Variants in KCNK1 observed in about 807,000 individuals in gnomAD.
KCNK1 encodes the protein potassium channel subfamily K member 1.
KCNK1 carries 10 observed loss-of-function variants against 22.2 expected under a neutral mutation model. That is an observed-to-expected ratio of 0.45 (90% CI 0.28 to 0.76). KCNK1 has a LOEUF of 0.76. Among genes scored for constraint, KCNK1 ranks in the 30% least tolerant of loss-of-function variants. The pLI, the probability that KCNK1 is intolerant of heterozygous loss-of-function variation, is 0.14. For synonymous variants in KCNK1, 200 were observed against 186.4 expected, an observed-to-expected ratio of 1.07 and a Z score of -0.60; for missense variants, 378 against 421.0, an observed-to-expected ratio of 0.90 and a Z score of 0.89.
intron 1 of KCNK1, among the ~76,000 whole-genome samples, chr1:233,665,757 G>A (rs1459001799): frequency 6.6e-6 from 1 of 152,238 alleles, no homozygotes; most frequent in Non-Finnish European, 1.5e-5. Flanking sequence ...TGAGATGGCC[G>A]TTTTGAGCTA....
intron 1 of KCNK1, among the ~76,000 whole-genome samples, chr1:233,643,971 G>T (rs750117228): frequency 6.6e-6 from 1 of 152,188 alleles, no homozygotes; most frequent in African/African-American, 2.4e-5. Flanking sequence ...TTTCAGGAGG[G>T]TTCATGGTGC....
At chr1:233,635,873 T>C (rs10910230) in intron 1 of KCNK1, among the ~76,000 whole-genome samples, 26,051 of 152,216 alleles carry the variant, frequency 0.17, 2,914 homozygotes, top group Non-Finnish European at 0.24. Flanking sequence ...AATAAAGCAT[T>C]GAAAGGTGAT....
At chr1:233,656,030 A>G (rs554595511) in intron 1 of KCNK1, among the ~76,000 whole-genome samples, 14 of 152,186 alleles carry the variant, frequency 9.2e-5, no homozygotes, top group Non-Finnish European at 1.6e-4. Context: ...TCAAGTCCCT[A>G]GGAAAGGATG....
intron 1 of KCNK1, among the ~76,000 whole-genome samples, chr1:233,644,539 A>G (rs1012501053): frequency 6.6e-5 from 10 of 152,222 alleles, no homozygotes; most frequent in African/African-American, 2.4e-4. Context: ...GAGCTTGAGC[A>G]TGACTGGGGA....
intron 1 of KCNK1, among the ~76,000 whole-genome samples, chr1:233,654,677 T>C (rs1245141107): frequency 1.3e-5 from 2 of 152,068 alleles, no homozygotes; most frequent in Non-Finnish European, 1.5e-5. Context: ...GTTAGAGAAG[T>C]GGAGGCAGGA....
chr1:233,661,595 C>T (rs1016515814), intron 1 of KCNK1, among the ~76,000 whole-genome samples: 7 of 152,180 alleles, frequency 4.6e-5, no homozygotes, highest in Admixed American at 3.9e-4. Context: ...TTGACTGTAG[C>T]CCACTTTCAT....
chr1:233,634,988 C>T (rs767397727), intron 1 of KCNK1, among the ~76,000 whole-genome samples: 3 of 152,162 alleles, frequency 2.0e-5, no homozygotes, highest in Non-Finnish European at 4.4e-5. Context: ...ACTCCTTGGC[C>T]CAGCTCCAAA....
chr1:233,671,631 T>G lies in KCNK1; in HGVS notation c.*101T>G. ...TCAGAATGCAAAAGCGAAAATTATG[T>G]CACTTTAAGAAATAGCTACTGTTTG... On this transcript the variant is annotated 3_prime_UTR_variant, in exon 3 of 3. Transcript: ENST00000366621. 1 of 1,365,632 alleles carries G rather than the reference T, an allele frequency of 7.3e-7. No individual in the cohort carries two copies. The highest frequency in any genetic ancestry group is 1.0e-6 in the Non-Finnish European group (1 of 991,748). 84.6% of individuals were successfully genotyped at this position (1,365,632 alleles called of 1,614,324 possible).
At chr1:233,657,819 A>AT (rs56718419) in intron 1 of KCNK1, among the ~76,000 whole-genome samples, 64 of 149,374 alleles carry the variant, frequency 4.3e-4, no homozygotes, top group Non-Finnish European at 6.4e-4. Context: ...AAAAGTGTTA[A>AT]TTTTTTTTTT....
At chr1:233,650,284 A>G (rs2102900951) in intron 1 of KCNK1, among the ~76,000 whole-genome samples, 1 of 152,328 alleles carries the variant, frequency 6.6e-6, no homozygotes, top group East Asian at 1.9e-4. Context: ...ATTCTAAACT[A>G]CAGAGTGGCC....
chr1:233,657,328 G>GATTGGAATTGGGGGAAAGCTGT (rs1658315299), intron 1 of KCNK1, among the ~76,000 whole-genome samples: 2 of 152,284 alleles, frequency 1.3e-5, no homozygotes, highest in South Asian at 4.2e-4. Flanking sequence ...AAATGTGACT[G>GATTGGAATTGGGGGAAAGCTGT]ATTGGAATTG....
intron 1 of KCNK1, among the ~76,000 whole-genome samples, chr1:233,620,561 T>C (rs1465935244): frequency 6.6e-6 from 1 of 152,220 alleles, no homozygotes; most frequent in Non-Finnish European, 1.5e-5. Flanking sequence ...GATTATCTTA[T>C]CTAAAATGTG....
At chr1:233,642,158 G>A (rs1658010421) in intron 1 of KCNK1, among the ~76,000 whole-genome samples, 1 of 152,114 alleles carries the variant, frequency 6.6e-6, no homozygotes, top group African/African-American at 2.4e-5. Flanking sequence ...CTGCTTTTGG[G>A]GAGTCATGTT....
chr1:233,663,689 C>T lies in KCNK1; in HGVS notation c.356-2906C>T, dbSNP rs994945373. Among the ~76,000 whole-genome samples the T allele has an allele frequency of 2.0e-5, 3 of 152,164 alleles. No individual in the cohort carries two copies. In the East Asian group the frequency reaches 5.8e-4, roughly 29 times the overall value. ...TGACTCAGCTGATCTTATGTTTTCT[C>T]GACAAAATCAGTGCCAAAGCTAAAT... On this transcript the variant is annotated intron_variant, in intron 1 of 2. Coordinates refer to ENST00000366621, the MANE Select transcript of KCNK1 (RefSeq NM_002245.4).
chr1:233,645,231 G>A (rs1315058377), intron 1 of KCNK1, among the ~76,000 whole-genome samples: 2 of 151,698 alleles, frequency 1.3e-5, no homozygotes, highest in African/African-American at 2.4e-5. Context: ...CATTTTTATT[G>A]TTAAAAGATA....
chr1:233,671,656 G>T lies in KCNK1; in HGVS notation c.*126G>T. The T allele has an allele frequency of 9.1e-7, 1 of 1,101,606 alleles. No individual in the cohort carries two copies. Among genetic ancestry groups the T allele is most frequent in the East Asian group, 2.4e-5 (1 of 41,180 alleles). The allele number at this position is 1,101,606 out of a possible 1,614,324, so 68.2% of individuals were successfully genotyped here. A position where few individuals can be genotyped will look rare whatever the true frequency, so the allele number is the denominator to read the frequency against. On this transcript the variant is annotated 3_prime_UTR_variant, in exon 3 of 3. Coordinates refer to ENST00000366621, the MANE Select transcript of KCNK1 (RefSeq NM_002245.4). ...TCACTTTAAGAAATAGCTACTGTTTGCAATGTCTTATTAAAAAACAACAAA... is the reference window on the plus strand; with the variant it reads ...TCACTTTAAGAAATAGCTACTGTTTTCAATGTCTTATTAAAAAACAACAAA...
chr1:233,633,659 C>T (rs1324841871), intron 1 of KCNK1, among the ~76,000 whole-genome samples: 1 of 152,072 alleles, frequency 6.6e-6, no homozygotes, highest in Non-Finnish European at 1.5e-5. Flanking sequence ...CTGAAAAGGA[C>T]ACAAGCTTTA....
At chr1:233,670,104 T>G (rs1325330333) in intron 2 of KCNK1, among the ~76,000 whole-genome samples, 1 of 152,230 alleles carries the variant, frequency 6.6e-6, no homozygotes, top group Non-Finnish European at 1.5e-5. Flanking sequence ...TTCACATTTC[T>G]GTTCCTTTTT....
intron 1 of KCNK1, among the ~76,000 whole-genome samples, chr1:233,646,993 C>T (rs908074601): frequency 4.6e-5 from 7 of 152,146 alleles, no homozygotes; most frequent in African/African-American, 1.7e-4. Context: ...CAGTGAGTGA[C>T]GCCTCTTATT....
Sources: gnomAD v4.1 joint callset for allele counts (sites outside exome capture counted in the v4.1 genomes callset) on GRCh38, gnomAD v4.1.1 for gene constraint, MANE v1.5 for transcripts, NCBI Gene and HGNC (gene_info 2026-07-23, HGNC 2026-07-21) for gene names.